Variants in IFNAR1 observed in about 807,000 individuals in gnomAD.
IFNAR1 encodes interferon alpha and beta receptor subunit 1, also known as interferon alpha/beta receptor 1.
In IFNAR1, 47 loss-of-function variants were observed where a neutral mutation model predicts 62.1. The ratio of observed to expected loss-of-function variants is 0.76; its 90% CI spans 0.60 to 0.97. The LOEUF (loss-of-function observed/expected upper bound fraction) is 0.97. Ranked by LOEUF, IFNAR1 falls within the 50% of genes least tolerant of loss-of-function variation. The pLI, the probability that IFNAR1 is intolerant of heterozygous loss-of-function variation, is 0.00. For missense variants in IFNAR1, 638 were observed against 654.5 expected, an observed-to-expected ratio of 0.97 and a Z score of 0.27; for synonymous variants, 219 against 226.9, an observed-to-expected ratio of 0.97 and a Z score of 0.31.
At chr21:33,344,024 G>A (rs1373534449) in intron 5 of IFNAR1, among the ~76,000 whole-genome samples, 4 of 152,184 alleles carry the variant, frequency 2.6e-5, no homozygotes, top group African/African-American at 7.2e-5. Context: ...GGTGGCTCAC[G>A]CCTGTAGTGG....
chr21:33,344,856 C>T (rs548516632), intron 5 of IFNAR1, among the ~76,000 whole-genome samples: 7 of 152,014 alleles, frequency 4.6e-5, no homozygotes, highest in Non-Finnish European at 7.4e-5. Context: ...GGCTCAATCT[C>T]GGCTCACCGC....
chr21:33,345,640 A>G (rs1232080179), intron 6 of IFNAR1, among the ~76,000 whole-genome samples: 1 of 152,234 alleles, frequency 6.6e-6, no homozygotes, highest in Non-Finnish European at 1.5e-5. Context: ...GAAAAAAAAG[A>G]AAGTGTAACT....
chr21:33,329,649 A>G (rs1299954838), intron 1 of IFNAR1, among the ~76,000 whole-genome samples: 2 of 152,260 alleles, frequency 1.3e-5, no homozygotes, highest in South Asian at 2.1e-4. Flanking sequence ...GAAATATTGT[A>G]GGAACCATAA....
rs775701968 is a variant in IFNAR1, at chr21:33,335,548, A to C, written c.101A>C (p.Gln34Pro). The C allele has an allele frequency of 1.2e-5, 19 of 1,601,426 alleles. No homozygotes were observed. The highest frequency in any genetic ancestry group is 1.6e-5 in the Non-Finnish European group (19 of 1,171,580). The change falls in exon 2 of 11, where the codon CAA becomes CCA. Residue 34 changes from glutamine (Q) to proline (P), a missense_variant. By Grantham distance (76) the Gln-to-Pro change is moderately conservative (BLOSUM62 -1). Coordinates refer to ENST00000270139, the MANE Select transcript of IFNAR1 (RefSeq NM_000629.3). ...GGTGGAAAAAATCTAAAATCTCCTC[A>C]AAAAGTAGAGGTCGACATCATAGAT... is the stretch of plus-strand genomic sequence containing the variant. ...AAGGKNLKSP[Q>P]KVEVDIIDDN...
chr21:33,344,790 T>TTG (rs1555875115), intron 5 of IFNAR1, among the ~76,000 whole-genome samples: 1 of 149,104 alleles, frequency 6.7e-6, no homozygotes, highest in African/African-American at 2.5e-5. Context: ...ATTTATTTAT[T>TTG]TATTTATTTA....
chr21:33,348,875 A>G (rs1489226396), intron 6 of IFNAR1, among the ~76,000 whole-genome samples: 1 of 152,110 alleles, frequency 6.6e-6, no homozygotes, highest in African/African-American at 2.4e-5. Flanking sequence ...GTTCTTGCAT[A>G]TTGATATGAG....
chr21:33,347,683 A>C (rs1387542603), intron 6 of IFNAR1, among the ~76,000 whole-genome samples: 1 of 152,166 alleles, frequency 6.6e-6, no homozygotes, highest in Non-Finnish European at 1.5e-5. Context: ...CTCTTCTGCC[A>C]CTTAATGTAA....
At chr21:33,336,823 T>G (rs895153197) in intron 2 of IFNAR1, among the ~76,000 whole-genome samples, 1 of 148,166 alleles carries the variant, frequency 6.7e-6, no homozygotes, top group African/African-American at 2.5e-5. Flanking sequence ...CAATCTTGGC[T>G]CACTGCAACC....
chr21:33,330,420 G>T (rs1170262063), intron 1 of IFNAR1, among the ~76,000 whole-genome samples: 1 of 152,108 alleles, frequency 6.6e-6, no homozygotes, highest in African/African-American at 2.4e-5. Context: ...CTGCATTTAT[G>T]GGGAAAATTA....
intron 1 of IFNAR1, among the ~76,000 whole-genome samples, chr21:33,331,277 G>A (rs949844763): frequency 6.6e-5 from 10 of 152,118 alleles, no homozygotes; most frequent in Admixed American, 2.0e-4. Context: ...CTGTGCCTAA[G>A]CTGAAGTGGT....
intron 1 of IFNAR1, among the ~76,000 whole-genome samples, chr21:33,326,366 G>A (rs1452074386): frequency 2.6e-5 from 4 of 151,898 alleles, no homozygotes; most frequent in Admixed American, 6.6e-5. Context: ...CACCACATCC[G>A]GCTATTTTTT....
In IFNAR1 at chr21:33,359,057, A is replaced by C. The variant is rs1317741571; in HGVS notation, c.*3508A>C. The C allele has an allele frequency of 6.6e-6, 1 of 152,138 alleles. No individual in the cohort carries two copies. The highest frequency in any genetic ancestry group is 1.5e-5 in the Non-Finnish European group (1 of 68,018). 9.4% of individuals were successfully genotyped at this position (152,138 alleles called of 1,614,324 possible). ...GCTGGAACAGAGGCTCCAAGAAAACAGGGACCTTATTATTCATTACTGCAT... is the reference window on the plus strand; with the variant it reads ...GCTGGAACAGAGGCTCCAAGAAAACCGGGACCTTATTATTCATTACTGCAT... On this transcript the variant is annotated 3_prime_UTR_variant, in exon 11 of 11. Coordinates refer to ENST00000270139, the MANE Select transcript of IFNAR1 (RefSeq NM_000629.3).
chr21:33,333,617 TTTTTTTTTC>T (rs960434611), intron 1 of IFNAR1, among the ~76,000 whole-genome samples: 13 of 131,232 alleles, frequency 9.9e-5, no homozygotes, highest in South Asian at 2.7e-4. Context: ...GCGGAATATT[TTTTTTTTTC>T]TTTTTTTTTT....
At chr21:33,354,069 G>T (rs570109623) in intron 10 of IFNAR1, among the ~76,000 whole-genome samples, 28 of 152,216 alleles carry the variant, frequency 1.8e-4, no homozygotes, top group African/African-American at 6.5e-4. Flanking sequence ...TTGGCCAAGC[G>T]TGGTGGCTCA....
rs751405598 is a variant in IFNAR1 at position 33,353,710 on chromosome 21, C to G, written c.1367C>G (p.Ala456Gly). ...TTTGCTCTCCCGTTTGTCATTTATG[C>G]TGCGAAAGTCTTCTTGAGATGCATC... Reference protein sequence around the residue: ...ALFALPFVIYAAKVFLRCINY... With the variant: ...ALFALPFVIYGAKVFLRCINY... Residue 456 changes from alanine (A) to glycine (G), a missense_variant, in exon 10 of 11, where the codon GCT becomes GGT. Coordinates refer to ENST00000270139, the MANE Select transcript of IFNAR1 (RefSeq NM_000629.3). 5 of 1,589,170 alleles carry G rather than the reference C, an allele frequency of 3.1e-6. No homozygotes were observed. Among genetic ancestry groups the G allele is most frequent in the Non-Finnish European group, 4.3e-6 (5 of 1,168,996 alleles).
intron 3 of IFNAR1, 88 bp downstream of exon 3, chr21:33,341,262 A>G: frequency 1.0e-6 from 1 of 1,002,004 alleles, no homozygotes; most frequent in Admixed American, 2.5e-5. Flanking sequence ...GCATGATGCA[A>G]AATCTAACAT....
chr21:33,345,989 C>A (rs2083342055), intron 6 of IFNAR1, among the ~76,000 whole-genome samples: 1 of 152,208 alleles, frequency 6.6e-6, no homozygotes, highest in Non-Finnish European at 1.5e-5. Flanking sequence ...TGGGCTGAGG[C>A]AGGAGGATTA....
chr21:33,347,573 C>A (rs2083361659), intron 6 of IFNAR1, among the ~76,000 whole-genome samples: 1 of 152,050 alleles, frequency 6.6e-6, no homozygotes, highest in Non-Finnish European at 1.5e-5. Context: ...GGCCTAGATC[C>A]TCTTTTAAGG....
intron 1 of IFNAR1, chr21:33,334,885 T>G: frequency 6.6e-5 from 89 of 1,348,050 alleles, no homozygotes; most frequent in Non-Finnish European, 8.8e-5. Context: ...GGAAAGCTGC[T>G]GAGATACACT....
Sources: allele counts gnomAD v4.1 joint callset (sites outside exome capture counted in the v4.1 genomes callset), GRCh38; gene constraint gnomAD v4.1.1; transcripts MANE v1.5; gene names NCBI Gene and HGNC (gene_info 2026-07-23, HGNC 2026-07-21).